The following IP6K1 variants were observed in gnomAD, a reference collection of about 807,000 sequenced individuals.
IP6K1 encodes the protein inositol hexakisphosphate kinase 1.
IP6K1 carries 13 observed loss-of-function variants against 38.3 expected under a neutral mutation model. The ratio of observed to expected loss-of-function variants is 0.34; its 90% CI spans 0.22 to 0.54. The LOEUF is 0.54. Ranked by LOEUF, IP6K1 falls within the 20% of genes least tolerant of loss-of-function variation. The pLI is 0.92. For missense variants in IP6K1, 397 were observed against 599.8 expected, an observed-to-expected ratio of 0.66 and a Z score of 3.53; for synonymous variants, 212 against 229.9, an observed-to-expected ratio of 0.92 and a Z score of 0.70.
chr3:49,727,636 C>A lies in IP6K1; in HGVS notation c.812G>T (p.Gly271Val). 6.2e-7 allele frequency: 1 copy of A among 1,613,786 alleles called. No individual in the cohort carries two copies. Among genetic ancestry groups the A allele is most frequent in the South Asian group, 1.1e-5 (1 of 91,060 alleles). The change falls in exon 6 of 6, where the codon GGG becomes GTG. Residue 271 changes from glycine to valine, a missense_variant. Around this residue, in one of 3 missense-constraint regions of IP6K1, gnomAD observed 62 missense variants for 149.2 expected, o/e 0.42. Coordinates refer to ENST00000321599, the MANE Select transcript of IP6K1 (RefSeq NM_153273.4). This position sits in a 1 kb window ranked among gnomAD's most constrained non-coding sequence, Gnocchi z 5.9. ...CGMQVYQLDT[G>V]HYLCRNKYYG... ...GTACTTGTTCCTGCAGAGGTAATGC[C>A]CTGTGTCCAGCTGGTACACCTGAAA...
intron 1 of IP6K1, among the ~76,000 whole-genome samples, chr3:49,767,533 C>A (rs1301975117): frequency 6.6e-6 from 1 of 152,036 alleles, no homozygotes; most frequent in Non-Finnish European, 1.5e-5. Flanking sequence ...GAGCAGAGAT[C>A]ACGCCACTGC....
At chr3:49,753,767 GAACA>G (rs1156410377) in intron 1 of IP6K1, among the ~76,000 whole-genome samples, 3 of 152,038 alleles carry the variant, frequency 2.0e-5, no homozygotes, top group South Asian at 2.1e-4. Context: ...GCAAAAACCA[GAACA>G]AACGGGTCAT....
chr3:49,728,128 A>C lies in IP6K1; in HGVS notation c.767T>G (p.Leu256Arg). Residue 256 changes from leucine (L) to arginine (R), a missense_variant, in exon 5 of 6, where the codon CTG (leucine) becomes CGG (arginine). Leu to Arg is a moderately radical substitution (Grantham distance 102). Around this residue, in one of 3 missense-constraint regions of IP6K1, gnomAD observed 62 missense variants for 149.2 expected, o/e 0.42. Coordinates refer to ENST00000321599, the MANE Select transcript of IP6K1 (RefSeq NM_153273.4). ...CTGCATGCCGCAGACCCTGACGCCC[A>C]GCGTGGCTGATGTGCTCTGCTCGCA... Reference protein sequence around the residue: ...RKCEQSTSATLGVRVCGMQVY... With the variant: ...RKCEQSTSATRGVRVCGMQVY... The C allele has an allele frequency of 6.2e-7, 1 of 1,614,040 alleles. No individual in the cohort carries two copies. Among genetic ancestry groups the C allele is most frequent in the Non-Finnish European group, 8.5e-7 (1 of 1,179,972 alleles).
chr3:49,735,433 T>C (rs1268934331), intron 3 of IP6K1, among the ~76,000 whole-genome samples: 2 of 152,154 alleles, frequency 1.3e-5, no homozygotes, highest in Admixed American at 6.6e-5. Flanking sequence ...AGCTACAGAC[T>C]TGGGGAACAT....
At chr3:49,775,997 G>C (rs1388149381) in intron 1 of IP6K1, among the ~76,000 whole-genome samples, 4 of 151,284 alleles carry the variant, frequency 2.6e-5, no homozygotes, top group African/African-American at 9.7e-5. Flanking sequence ...ACATGATCTT[G>C]CAGCAGCTCT....
intron 1 of IP6K1, chr3:49,775,586 C>CA (rs932221441): frequency 3.6e-5 from 35 of 963,254 alleles, no homozygotes; most frequent in African/African-American, 9.9e-5. Flanking sequence ...TCTACGAACA[C>CA]AAAAAAATGC....
At chr3:49,758,259 A>C (rs987611516) in intron 1 of IP6K1, among the ~76,000 whole-genome samples, 2 of 139,470 alleles carry the variant, frequency 1.4e-5, no homozygotes, top group African/African-American at 5.3e-5. Flanking sequence ...GGTTGCAGTG[A>C]GCTGAGATCG....
At chr3:49,774,612 T>C (rs1177520011) in intron 1 of IP6K1, among the ~76,000 whole-genome samples, 2 of 152,044 alleles carry the variant, frequency 1.3e-5, no homozygotes, top group Non-Finnish European at 2.9e-5. Context: ...CTATGCATAA[T>C]AGGTGACCTG....
chr3:49,777,219 G>C (rs2081024223), intron 1 of IP6K1, among the ~76,000 whole-genome samples: 1 of 152,036 alleles, frequency 6.6e-6, no homozygotes, highest in South Asian at 2.1e-4. Context: ...CAGGGTGACA[G>C]AGCAAGACTC....
intron 1 of IP6K1, among the ~76,000 whole-genome samples, chr3:49,773,980 AACAC>A (rs10575617): frequency 0.025 from 3,587 of 142,026 alleles, 63 homozygotes; most frequent in African/African-American, 0.036. Flanking sequence ...CTCTCTCTAA[AACAC>A]ACACACACAC....
At chr3:49,755,905 T>G (rs2080818571) in intron 1 of IP6K1, among the ~76,000 whole-genome samples, 1 of 152,180 alleles carries the variant, frequency 6.6e-6, no homozygotes, top group African/African-American at 2.4e-5. Context: ...TGATATAGAT[T>G]AGGCATAGTT....
chr3:49,777,054 G>A (rs994214120), intron 1 of IP6K1, among the ~76,000 whole-genome samples: 1 of 151,996 alleles, frequency 6.6e-6, no homozygotes, highest in African/African-American at 2.4e-5. Context: ...GGTCAACATG[G>A]CAAAACCCCA....
At chr3:49,747,295 C>G (rs2080728857) in intron 2 of IP6K1, among the ~76,000 whole-genome samples, 1 of 152,094 alleles carries the variant, frequency 6.6e-6, no homozygotes, top group African/African-American at 2.4e-5. Context: ...AATTAATATT[C>G]ATGAGGTTCT....
At chr3:49,741,548 T>C (rs952168905) in intron 2 of IP6K1, among the ~76,000 whole-genome samples, 47 of 152,240 alleles carry the variant, frequency 3.1e-4, no homozygotes, top group African/African-American at 1.1e-3. Flanking sequence ...AATACTAAAT[T>C]TGGAAAAATA....
At chr3:49,752,452 G>A (rs147488827) in intron 1 of IP6K1, among the ~76,000 whole-genome samples, 3,639 of 149,958 alleles carry the variant, frequency 0.024, 59 homozygotes, top group Middle Eastern at 0.038. Context: ...TCGCGCCACT[G>A]CACTCCAGCC....
At chr3:49,741,074 T>C (rs2080664696) in intron 2 of IP6K1, among the ~76,000 whole-genome samples, 1 of 152,178 alleles carries the variant, frequency 6.6e-6, no homozygotes. Flanking sequence ...GGTCTTGAAC[T>C]ACTGACCTCA....
intron 1 of IP6K1, among the ~76,000 whole-genome samples, chr3:49,777,185 A>G (rs981638534): frequency 5.9e-5 from 9 of 151,432 alleles, no homozygotes; most frequent in African/African-American, 2.2e-4. Context: ...GCAGTGAGCC[A>G]AGATGGCACC....
intron 1 of IP6K1, among the ~76,000 whole-genome samples, chr3:49,750,308 G>A (rs1277949850): frequency 4.6e-5 from 7 of 152,148 alleles, no homozygotes. Flanking sequence ...GACACAAGGA[G>A]AGTGCTAAAT....
chr3:49,733,907 A>T (rs2080583989), intron 3 of IP6K1, among the ~76,000 whole-genome samples: 1 of 152,206 alleles, frequency 6.6e-6, no homozygotes, highest in African/African-American at 2.4e-5. Context: ...AGGTAGGAGG[A>T]TCACTTGAGC....
Sources: allele counts gnomAD v4.1 joint callset (sites outside exome capture counted in the v4.1 genomes callset), GRCh38; gene constraint gnomAD v4.1.1; regional missense constraint gnomAD v4.1.1; non-coding constraint Gnocchi (gnomAD v3.1); transcripts MANE v1.5; gene names NCBI Gene and HGNC (gene_info 2026-07-23, HGNC 2026-07-21).